The following CPLX2 variants were observed in gnomAD, a reference collection of about 807,000 sequenced individuals.
CPLX2 encodes the protein complexin-2.
CPLX2 carries 5 observed loss-of-function variants against 16.3 expected under a neutral mutation model. The observed-to-expected ratio is 0.31, with a 90% confidence interval of 0.16 to 0.64. CPLX2 has a LOEUF of 0.64. Among genes scored for constraint, CPLX2 ranks in the 30% least tolerant of loss-of-function variants. The pLI, the probability that CPLX2 is intolerant of heterozygous loss-of-function variation, is 0.79. For synonymous variants in CPLX2, 89 were observed against 73.2 expected (o/e 1.22, Z -1.10); for missense variants, 144 against 181.4 (o/e 0.79, Z 1.18).
intron 2 of CPLX2, among the ~76,000 whole-genome samples, chr5:175,835,059 A>C (rs1758803126): frequency 6.6e-6 from 1 of 152,222 alleles, no homozygotes; most frequent in Non-Finnish European, 1.5e-5. Context: ...GAGGCTGTGA[A>C]GGCAAGCAGG....
chr5:175,873,917 G>T (rs897593354), intron 1 of CPLX2, among the ~76,000 whole-genome samples: 7 of 152,222 alleles, frequency 4.6e-5, no homozygotes, highest in Non-Finnish European at 7.3e-5. Flanking sequence ...AGGTTCCAAG[G>T]CTGTGGGAAT....
chr5:175,812,210 C>T (rs1213912926), intron 2 of CPLX2, among the ~76,000 whole-genome samples: 3 of 152,208 alleles, frequency 2.0e-5, no homozygotes, highest in Non-Finnish European at 2.9e-5. Flanking sequence ...CCTCACCATG[C>T]GGAGGGCAGC....
intron 2 of CPLX2, among the ~76,000 whole-genome samples, chr5:175,848,769 G>A (rs916758460): frequency 6.6e-6 from 1 of 152,148 alleles, no homozygotes; most frequent in Non-Finnish European, 1.5e-5. Context: ...CTTTGGGGAA[G>A]GGACATTCAA....
chr5:175,798,879 A>T (rs1027121574), intron 1 of CPLX2, among the ~76,000 whole-genome samples: 1 of 152,192 alleles, frequency 6.6e-6, no homozygotes, highest in Non-Finnish European at 1.5e-5. Flanking sequence ...AACCCAAGAC[A>T]TCACATCATT....
chr5:175,826,700 G>A (rs1758621794), intron 2 of CPLX2, among the ~76,000 whole-genome samples: 1 of 152,140 alleles, frequency 6.6e-6, no homozygotes, highest in South Asian at 2.1e-4. Flanking sequence ...CTCAGGGTGG[G>A]GAGAGAGGAC....
chr5:175,844,652 T>C (rs991972920), intron 2 of CPLX2, among the ~76,000 whole-genome samples: 2 of 152,162 alleles, frequency 1.3e-5, no homozygotes, highest in Non-Finnish European at 2.9e-5. Context: ...AGAACAGCCA[T>C]GGGGCCGAGG....
intron 1 of CPLX2, among the ~76,000 whole-genome samples, chr5:175,807,354 AAC>A (rs1460106288): frequency 6.6e-6 from 1 of 152,200 alleles, no homozygotes; most frequent in Non-Finnish European, 1.5e-5. Flanking sequence ...GTAGACATTA[AAC>A]ACAGAATTGT....
chr5:175,836,237 C>T (rs1758836789), intron 2 of CPLX2, among the ~76,000 whole-genome samples: 1 of 152,110 alleles, frequency 6.6e-6, no homozygotes, highest in African/African-American at 2.4e-5. Context: ...GTGGTCCCAG[C>T]TACTTGGGAG....
rs151189484 is a variant in CPLX2 at position 175,826,123 on chromosome 5, G to A, written c.-89+17055G>A. Among the ~76,000 whole-genome samples the A allele has an allele frequency of 4.9e-3, 751 of 152,078 alleles. 2 individuals carry two copies. Among genetic ancestry groups the A allele is most frequent in the Non-Finnish European group, 7.4e-3 (506 of 67,996 alleles). ...AGCGGCACCACGAGGTTAGAGGGCTGCGATAAAGGTGTGTGAAGGGCACTG... is the reference window on the plus strand; with the variant it reads ...AGCGGCACCACGAGGTTAGAGGGCTACGATAAAGGTGTGTGAAGGGCACTG... On this transcript the variant is annotated intron_variant, in intron 2 of 4. Coordinates refer to the CPLX2 transcript ENST00000359546.
chr5:175,801,788 G>A (rs533199591), intron 1 of CPLX2, among the ~76,000 whole-genome samples: 1 of 152,226 alleles, frequency 6.6e-6, no homozygotes, highest in Non-Finnish European at 1.5e-5. Context: ...GGCGAGCCGG[G>A]AGCACATGCC....
intron 2 of CPLX2, among the ~76,000 whole-genome samples, chr5:175,842,259 T>G (rs1170986140): frequency 1.3e-5 from 2 of 152,238 alleles, no homozygotes; most frequent in African/African-American, 4.8e-5. Flanking sequence ...ATTTCCTCAA[T>G]GACTCCCACT....
rs190311249 is a variant in CPLX2, at chr5:175,852,715, C to T, written c.-88-25937C>T. On this transcript the variant is annotated intron_variant, in intron 2 of 4. Transcript: ENST00000359546. ...GCATCCAGCAACCATGCAGAAAAGTCCTTTGCCTCCCTGGTACTGGAAGAG... is the reference window on the plus strand; with the variant it reads ...GCATCCAGCAACCATGCAGAAAAGTTCTTTGCCTCCCTGGTACTGGAAGAG... 9.2e-4 allele frequency among the ~76,000 whole-genome samples: 140 copies of T among 152,322 alleles called. 2 individuals carry two copies. The highest frequency in any genetic ancestry group is 2.3e-3 in the Admixed American group (35 of 15,308).
chr5:175,817,047 G>A (rs895601159), intron 2 of CPLX2, among the ~76,000 whole-genome samples: 1 of 152,362 alleles, frequency 6.6e-6, no homozygotes, highest in East Asian at 1.9e-4. Context: ...TGCACTCGGG[G>A]ATACCGACCC....
intron 2 of CPLX2, among the ~76,000 whole-genome samples, chr5:175,827,877 G>T (rs1758648299): frequency 6.6e-6 from 1 of 152,172 alleles, no homozygotes; most frequent in Non-Finnish European, 1.5e-5. Flanking sequence ...TCTGCCTCCT[G>T]CGTGCCCTGG....
chr5:175,801,029 G>A (rs375692863), intron 1 of CPLX2, among the ~76,000 whole-genome samples: 1 of 152,152 alleles, frequency 6.6e-6, no homozygotes, highest in Admixed American at 6.5e-5. Flanking sequence ...AGTGAGGGGA[G>A]AGCAGCAGCC....
intron 2 of CPLX2, 33 bp from the exon 3 acceptor site, chr5:175,878,874 AC>A: frequency 6.2e-7 from 1 of 1,606,112 alleles, no homozygotes. Flanking sequence ...CCCCTAGCTG[AC>A]CCCGCCCTCT....
At chr5:175,824,208 T>C (rs1758565729) in intron 2 of CPLX2, among the ~76,000 whole-genome samples, 1 of 152,252 alleles carries the variant, frequency 6.6e-6, no homozygotes, top group African/African-American at 2.4e-5. Context: ...CCAAACATGC[T>C]GCATTTAAGT....
At chr5:175,827,493 G>A (rs762490583) in intron 2 of CPLX2, among the ~76,000 whole-genome samples, 11 of 152,078 alleles carry the variant, frequency 7.2e-5, no homozygotes, top group Admixed American at 3.9e-4. Flanking sequence ...AGTCCCTCAC[G>A]CCTGTAATCC....
intron 2 of CPLX2, among the ~76,000 whole-genome samples, chr5:175,851,769 C>T (rs925984545): frequency 1.3e-5 from 2 of 152,200 alleles, no homozygotes; most frequent in East Asian, 1.9e-4. Flanking sequence ...GAATCAACGC[C>T]GGGGCTGTCC....
Sources: allele counts gnomAD v4.1 joint callset (sites outside exome capture counted in the v4.1 genomes callset), GRCh38; gene constraint gnomAD v4.1.1; transcripts MANE v1.5; gene names NCBI Gene and HGNC (gene_info 2026-07-23, HGNC 2026-07-21).